BPTF: variants seen among roughly 807,000 people sequenced by gnomAD.
BPTF encodes the protein nucleosome-remodeling factor subunit BPTF.
BPTF carries 18 observed loss-of-function variants against 292.5 expected under a neutral mutation model. The observed-to-expected ratio is 0.06, with a 90% CI of 0.04 to 0.09. The LOEUF (loss-of-function observed/expected upper bound fraction) is 0.09, where lower values mean the gene tolerates loss of function less well. BPTF is among the 10% of genes least tolerant of loss of function. The probability of loss-of-function intolerance (pLI) is 1.00; values close to 1 mark genes in which losing one functional copy is unlikely to be tolerated. For missense variants in BPTF, 2,726 were observed against 3,498.7 expected, an observed-to-expected ratio of 0.78 and a Z score of 5.57; for synonymous variants, 1,225 against 1,251.9, an observed-to-expected ratio of 0.98 and a Z score of 0.45.
Position 67,900,396 on chromosome 17 carries a change from C to T in BPTF, c.2544-3393C>T, listed in dbSNP as rs925330046. ...CTGGGATTACAGGCGTTAGCCACCG[C>T]GTTCAGCCAAATGTAACAAGAAATA... On this transcript the variant is annotated intron_variant, in intron 7 of 27. Transcript: ENST00000306378. Among the ~76,000 whole-genome samples, 3 of 152,034 alleles carry T rather than the reference C, an allele frequency of 2.0e-5. No homozygotes were observed. The East Asian group carries it at 5.8e-4, about 30-fold the overall frequency.
intron 1 of BPTF, among the ~76,000 whole-genome samples, chr17:67,842,114 A>C (rs2057599604): frequency 6.6e-6 from 1 of 152,028 alleles, no homozygotes. Context: ...ATAATTGTAC[A>C]TATGTGTATA....
At chr17:67,885,773 A>G (rs1164773657) in intron 4 of BPTF, among the ~76,000 whole-genome samples, 1 of 152,212 alleles carries the variant, frequency 6.6e-6, no homozygotes, top group Non-Finnish European at 1.5e-5. Context: ...CTACCTCTGC[A>G]ATATCTGGCG....
intron 1 of BPTF, 141 bp from the exon 2 acceptor site, chr17:67,853,799 A>T: frequency 1.5e-6 from 1 of 666,798 alleles, no homozygotes; most frequent in Non-Finnish European, 2.5e-6. Flanking sequence ...GAGCTGAATC[A>T]TTGCTTCTTC....
At position 67,926,316 on chromosome 17, in the gene BPTF, C is replaced by CTT. The variant is rs869295387; in HGVS notation, c.5751+1752_5751+1753dup. On this transcript the variant is annotated intron_variant, in intron 15 of 27. Transcript: ENST00000306378. The stretch of plus-strand genomic sequence containing the variant: ...CACTGCATTTGGCCCTAATATACTA[C>CTT]TTTTTTTTTTTTTTTTTTTTTTTTT... 1.1e-3 allele frequency among the ~76,000 whole-genome samples: 94 copies of CTT among 83,850 alleles called. 10 individuals carry two copies. Among genetic ancestry groups the CTT allele is most frequent in the African/African-American group, 2.5e-3 (45 of 17,958 alleles). The allele number at this position is 83,850 out of a possible 152,430, so 55.0% of individuals were successfully genotyped here.
In BPTF at chr17:67,893,658, C is replaced by G; in HGVS notation, c.2344C>G (p.Leu782Val). Residue 782 changes from leucine to valine, a missense_variant, in exon 6 of 28, where the codon CTG becomes GTG. By Grantham distance (32) the Leu-to-Val change is conservative (BLOSUM62 1). This residue lies in a region of BPTF where 99 missense variants were observed against 227.1 expected (regional missense o/e 0.44). Transcript: ENST00000306378. ...SKVLTISTLR[L>V]TITQLENNIP... is the part of the protein sequence containing the mutation. Reference sequence around the variant, plus strand: ...AGTTCTTACCATATCTACTCTGAGACTGACTATCACCCAATTAGAAAACAA... The same window carrying G: ...AGTTCTTACCATATCTACTCTGAGAGTGACTATCACCCAATTAGAAAACAA... 1 of 1,612,208 alleles carries G rather than the reference C, an allele frequency of 6.2e-7. No homozygotes were observed. The highest frequency in any genetic ancestry group is 8.5e-7 in the Non-Finnish European group (1 of 1,178,474).
chr17:67,860,448 AAT>A (rs1370368717), intron 2 of BPTF, among the ~76,000 whole-genome samples: 9 of 152,220 alleles, frequency 5.9e-5, no homozygotes, highest in African/African-American at 9.6e-5. Context: ...AGTGCTTAAA[AAT>A]ATGTTATTTG....
At chr17:67,948,474 CAG>C (rs1190489299) in intron 23 of BPTF, among the ~76,000 whole-genome samples, 168 bp downstream of exon 23, 1 of 152,092 alleles carries the variant, frequency 6.6e-6, no homozygotes, top group African/African-American at 2.4e-5. Context: ...CAAAACAAGT[CAG>C]AGCTTTTATA....
intron 1 of BPTF, among the ~76,000 whole-genome samples, chr17:67,837,556 C>T (rs1270481003): frequency 2.0e-5 from 3 of 152,026 alleles, no homozygotes; most frequent in East Asian, 3.9e-4. Flanking sequence ...TAAAGGCGGA[C>T]GCCACCACGC....
intron 1 of BPTF, 120 bp from the exon 2 acceptor site, chr17:67,853,820 A>G: frequency 5.2e-6 from 4 of 762,404 alleles, no homozygotes; most frequent in Non-Finnish European, 8.6e-6. Context: ...GTATTATTTT[A>G]ACTTGACAAT....
At chr17:67,862,854 C>T (rs531849237) in intron 2 of BPTF, among the ~76,000 whole-genome samples, 10 of 150,974 alleles carry the variant, frequency 6.6e-5, no homozygotes, top group African/African-American at 2.4e-4. Flanking sequence ...TCTAGCACCC[C>T]AAGTGTCCTT....
chr17:67,949,599 T>C (rs1203544589), intron 23 of BPTF, among the ~76,000 whole-genome samples: 1 of 150,774 alleles, frequency 6.6e-6, no homozygotes, highest in Non-Finnish European at 1.5e-5. Context: ...AGACATCTAT[T>C]TATACATATA....
chr17:67,982,374 C>G lies in BPTF; in HGVS notation c.*86C>G. On this transcript the variant is annotated 3_prime_UTR_variant, in exon 28 of 28. Transcript: ENST00000306378. ...AATTAAGGAGCCAGATGTTTTTAGT[C>G]AGGCTATCCTGACAAGACTTGACCT... 4 of 1,296,178 alleles carry G rather than the reference C, an allele frequency of 3.1e-6. No individual in the cohort carries two copies. The highest frequency in any genetic ancestry group is 4.4e-6 in the Non-Finnish European group (4 of 905,508). 80.3% of individuals were successfully genotyped at this position (1,296,178 alleles called of 1,614,324 possible). A position where few individuals can be genotyped will look rare whatever the true frequency, so the allele number is the denominator to read the frequency against.
rs374824193 is a variant in BPTF, at chr17:67,945,434, A to G, written c.6726A>G (p.Lys2242=). The change falls in exon 21 of 28, where the codon AAA becomes AAG. Residue 2242 remains lysine, a synonymous_variant. Transcript: ENST00000306378. Reference sequence around the variant, plus strand: ...GTACAGGTGAACAAAGGCAGAGTAAACTGTCACCCCAGATGCAGGTACATC... The same window carrying G: ...GTACAGGTGAACAAAGGCAGAGTAAGCTGTCACCCCAGATGCAGGTACATC... ...AAGTGEQRQS[K]LSPQMQVHQD... The G allele has an allele frequency of 6.7e-5, 108 of 1,613,656 alleles. No homozygotes were observed. The highest frequency in any genetic ancestry group is 1.6e-4 in the Middle Eastern group (1 of 6,082).
intron 18 of BPTF, among the ~76,000 whole-genome samples, chr17:67,932,773 A>T (rs2064515837): frequency 6.6e-6 from 1 of 152,152 alleles, no homozygotes; most frequent in Admixed American, 6.5e-5. Context: ...AATTTAGCTA[A>T]AATCAAATTA....
In BPTF at chr17:67,959,629, C is replaced by G. The variant is rs782360487; in HGVS notation, c.8015C>G (p.Pro2672Arg). The G allele has an allele frequency of 6.3e-7, 1 of 1,599,288 alleles. No individual in the cohort carries two copies. The highest frequency in any genetic ancestry group is 2.3e-5 in the East Asian group (1 of 44,344). ...QATAVAAPCPPVTPAPPAPPA... is the reference protein window; with the variant it reads ...QATAVAAPCPRVTPAPPAPPA... The stretch of plus-strand genomic sequence containing the variant: ...ACAGCAGTAGCTGCACCCTGCCCCC[C>G]AGTGACACCAGCTCCTCCAGCCCCT... The change falls in exon 24 of 28, where the codon CCA becomes CGA. Residue 2672 changes from proline (P) to arginine (R), a missense_variant. Pro to Arg is a moderately radical substitution (Grantham distance 103). Coordinates refer to ENST00000306378, the MANE Select transcript of BPTF (RefSeq NM_182641.4).
At chr17:67,888,385 G>A (rs1236826969) in intron 4 of BPTF, among the ~76,000 whole-genome samples, 1 of 151,824 alleles carries the variant, frequency 6.6e-6, no homozygotes, top group African/African-American at 2.4e-5. Context: ...TCAGGAGTTC[G>A]AGACCAGTCT....
At chr17:67,933,315 A>T (rs560276888) in intron 18 of BPTF, among the ~76,000 whole-genome samples, 4 of 152,036 alleles carry the variant, frequency 2.6e-5, no homozygotes, top group African/African-American at 9.6e-5. Flanking sequence ...AAAGCCTGTA[A>T]TCCCAAAACT....
chr17:67,917,131 C>CTTTTCCTTTCTTTT (rs1194058584), intron 11 of BPTF, among the ~76,000 whole-genome samples: 8,617 of 105,466 alleles, frequency 0.082, 1,312 homozygotes, highest in African/African-American at 0.29. Context: ...TGGTATTGTC[C>CTTTTCCTTTCTTTT]TTTTTTTTTT....
At chr17:67,964,800 C>G (rs560788423) in intron 25 of BPTF, among the ~76,000 whole-genome samples, 1 of 148,640 alleles carries the variant, frequency 6.7e-6, no homozygotes, top group African/African-American at 2.5e-5. Flanking sequence ...GGAGATCAGA[C>G]CATCCTGGCT....
Sources: gnomAD v4.1 joint callset for allele counts (sites outside exome capture counted in the v4.1 genomes callset) on GRCh38, gnomAD v4.1.1 for gene constraint, gnomAD v4.1.1 regional missense constraint, MANE v1.5 for transcripts, NCBI Gene and HGNC (gene_info 2026-07-23, HGNC 2026-07-21) for gene names.